CACNG8: variants seen among roughly 807,000 people sequenced by gnomAD.
CACNG8 encodes the protein calcium voltage-gated channel auxiliary subunit gamma 8.
A neutral mutation model predicts 26.9 loss-of-function variants in CACNG8; 5 were observed. The observed-to-expected ratio is 0.19, with a 90% CI of 0.10 to 0.39. The LOEUF is 0.39. Among genes scored for constraint, CACNG8 ranks in the 10% least tolerant of loss-of-function variants. The pLI is 1.00. For synonymous variants in CACNG8, 321 were observed against 296.7 expected (o/e 1.08, Z -0.84); for missense variants, 473 against 609.4 (o/e 0.78, Z 2.36).
chr19:53,974,705 G>GCT (rs1327866703), intron 1 of CACNG8, among the ~76,000 whole-genome samples: 10 of 150,384 alleles, frequency 6.6e-5, no homozygotes, highest in African/African-American at 4.9e-5. Context: ...GCAGTGGCAT[G>GCT]ATCTTGGCTC....
chr19:53,963,242 C>A lies in CACNG8; in HGVS notation c.100C>A (p.Leu34Ile). ...GGTGGGCGCCTTCGCCGCCTTCGGC[C>A]TCATGACCATCGCCATCAGCACTGA... is the stretch of plus-strand genomic sequence containing the variant. Residue 34 changes from leucine (L) to isoleucine (I), a missense_variant, in exon 1 of 4, where the codon CTC becomes ATC. Physicochemically the swap from Leu to Ile is conservative, Grantham distance 5. This residue lies in a region of CACNG8 where 10 missense variants were observed against 34.7 expected (regional missense o/e 0.29). Coordinates refer to ENST00000270458, the MANE Select transcript of CACNG8 (RefSeq NM_031895.6). 1 of 1,610,132 alleles carries A rather than the reference C, an allele frequency of 6.2e-7. No individual in the cohort carries two copies. The highest frequency in any genetic ancestry group is 1.1e-5 in the South Asian group (1 of 90,886).
chr19:53,970,225 A>T (rs1018013638), intron 1 of CACNG8, among the ~76,000 whole-genome samples: 4 of 152,222 alleles, frequency 2.6e-5, no homozygotes, highest in Admixed American at 6.5e-5. Context: ...CTGAGGCAGG[A>T]GAATCGCTTG....
Position 53,982,933 on chromosome 19 carries a change from C to G in CACNG8, c.*84C>G, listed in dbSNP as rs1185179971. On this transcript the variant is annotated 3_prime_UTR_variant, in exon 4 of 4. Coordinates refer to ENST00000270458, the MANE Select transcript of CACNG8 (RefSeq NM_031895.6). This position sits in a 1 kb window ranked among gnomAD's most constrained non-coding sequence, Gnocchi z 8.4. ...CGAGGCTGCCGGGGTCGGGGGCGCC[C>G]CCGCTTTCCCCCGTGAGCGCGCTGG... is the stretch of plus-strand genomic sequence containing the variant. 125 of 930,860 alleles carry G rather than the reference C, an allele frequency of 1.3e-4. 1 individual carries two copies. In the South Asian group the frequency reaches 5.3e-3, roughly 40 times the overall value. The allele number at this position is 930,860 out of a possible 1,614,324, so 57.7% of individuals were successfully genotyped here.
intron 1 of CACNG8, among the ~76,000 whole-genome samples, chr19:53,965,557 C>T (rs2069267702): frequency 6.6e-6 from 1 of 151,936 alleles, no homozygotes; most frequent in African/African-American, 2.4e-5. Flanking sequence ...GTAGGGATGT[C>T]ATTCATTCAT....
intron 3 of CACNG8, among the ~76,000 whole-genome samples, chr19:53,980,400 A>G (rs925572625): frequency 6.6e-6 from 1 of 151,000 alleles, no homozygotes; most frequent in Non-Finnish European, 1.5e-5. Flanking sequence ...TGGGTCTTGG[A>G]GGGCGGGCCC....
In CACNG8 at chr19:53,979,973, C is replaced by T. The variant is rs1340218222; in HGVS notation, c.474C>T (p.Ile158=). ...GCGTCTACAAGTCCAAGAGGAACATCATTCTGGGCGCAGGGATCCTGTTCG... is the reference window on the plus strand; with the variant it reads ...GCGTCTACAAGTCCAAGAGGAACATTATTCTGGGCGCAGGGATCCTGTTCG... The change falls in exon 3 of 4, where the codon ATC becomes ATT. Residue 158 remains isoleucine, a synonymous_variant. Coordinates refer to ENST00000270458, the MANE Select transcript of CACNG8 (RefSeq NM_031895.6). 6.2e-7 allele frequency: 1 copy of T among 1,612,302 alleles called. No individual in the cohort carries two copies. Among genetic ancestry groups the T allele is most frequent in the Admixed American group, 1.7e-5 (1 of 59,702 alleles).
At chr19:53,981,295 G>T (rs576797278) in intron 3 of CACNG8, among the ~76,000 whole-genome samples, 1 of 152,282 alleles carries the variant, frequency 6.6e-6, no homozygotes, top group East Asian at 1.9e-4. Context: ...GACTAACTAG[G>T]GCAGGGCCTG....
rs1198736877 is a variant in CACNG8, at chr19:53,984,424, A to T, written c.*1575A>T. The stretch of plus-strand genomic sequence containing the variant: ...GCCAGGAGTGAGCAGCACTTGGGGT[A>T]GGCTTCCTGGAGAATATGATGCCCA... On this transcript the variant is annotated 3_prime_UTR_variant, in exon 4 of 4. Coordinates refer to ENST00000270458, the MANE Select transcript of CACNG8 (RefSeq NM_031895.6). The T allele has an allele frequency of 6.6e-6, 1 of 152,254 alleles. No homozygotes were observed. The highest frequency in any genetic ancestry group is 1.5e-5 in the Non-Finnish European group (1 of 68,050). The allele number at this position is 152,254 out of a possible 1,614,324, so 9.4% of individuals were successfully genotyped here.
chr19:53,982,393 C>T lies in CACNG8; in HGVS notation c.822C>T (p.Ser274=), dbSNP rs1433885118. ...ACCGCTTCCGCTACCGCCGCCGCTC[C>T]CGCTCTAGCTCCCGCTCCAGCGAGC... Residue 274 remains serine (S), a synonymous_variant, in exon 4 of 4, where the codon TCC becomes TCT. Coordinates refer to ENST00000270458, the MANE Select transcript of CACNG8 (RefSeq NM_031895.6). This position sits in a 1 kb window ranked among gnomAD's most constrained non-coding sequence, Gnocchi z 8.4. 6.5e-7 allele frequency: 1 copy of T among 1,528,970 alleles called. No individual in the cohort carries two copies. Among genetic ancestry groups the T allele is most frequent in the South Asian group, 1.2e-5 (1 of 83,092 alleles). The allele number at this position is 1,528,970 out of a possible 1,614,324, so 94.7% of individuals were successfully genotyped here. A position where few individuals can be genotyped will look rare whatever the true frequency, so the allele number is the denominator to read the frequency against.
intron 2 of CACNG8, 80 bp from the exon 3 acceptor site, chr19:53,979,787 G>C: frequency 6.9e-7 from 1 of 1,446,656 alleles, no homozygotes. Flanking sequence ...CCGCGAGATG[G>C]GGGGCCGGGA....
chr19:53,982,775 GC>G lies in CACNG8; in HGVS notation c.1209del (p.Thr405ProfsTer55), dbSNP rs1181229536. On this transcript the variant is annotated frameshift_variant, in exon 4 of 4. Transcript: ENST00000270458. LOFTEE classifies it high-confidence loss of function. The surrounding 1 kb of genome is among the most constrained non-coding windows in gnomAD (Gnocchi z 8.4). ...CGCGCCACCCGCGCCCTCTGCGCCCGCCCCCGGGACCCTGGCCAAGGAGGCC... is the reference window on the plus strand; with the variant it reads ...CGCGCCACCCGCGCCCTCTGCGCCCGCCCCGGGACCCTGGCCAAGGAGGCC... 6 of 1,281,154 alleles carry G rather than the reference GC, an allele frequency of 4.7e-6. No homozygotes were observed. Among genetic ancestry groups the G allele is most frequent in the Admixed American group, 3.6e-5 (1 of 27,734 alleles). 79.4% of individuals were successfully genotyped at this position (1,281,154 alleles called of 1,614,324 possible).
intron 1 of CACNG8, among the ~76,000 whole-genome samples, chr19:53,969,800 A>G (rs28620610): frequency 0.4 from 60,037 of 151,984 alleles, 12,108 homozygotes; most frequent in Middle Eastern, 0.53. Context: ...TGCTCTGCCT[A>G]AGGAGCGGCC....
In CACNG8 at chr19:53,979,802, G is replaced by T. The variant is rs2069353134; in HGVS notation, c.368-65G>T. On this transcript the variant is annotated intron_variant, in intron 2 of 3. Transcript: ENST00000270458. ...CCGCGAGATGGGGGGCCGGGAAGGG[G>T]GCGCAGGCGGCCGCGTCTGACCGCC... 4.7e-6 allele frequency: 7 copies of T among 1,498,676 alleles called. No homozygotes were observed. In the South Asian group the frequency reaches 9.3e-5, roughly 20 times the overall value. The allele number at this position is 1,498,676 out of a possible 1,614,324, so 92.8% of individuals were successfully genotyped here. A position where few individuals can be genotyped will look rare whatever the true frequency, so the allele number is the denominator to read the frequency against.
In CACNG8 at chr19:53,983,593, T is replaced by C. The variant is rs2069389024; in HGVS notation, c.*744T>C. 6.6e-6 allele frequency: 1 copy of C among 152,212 alleles called. No individual in the cohort carries two copies. Among genetic ancestry groups the C allele is most frequent in the African/African-American group, 2.4e-5 (1 of 41,432 alleles). 9.4% of individuals were successfully genotyped at this position (152,212 alleles called of 1,614,324 possible). On this transcript the variant is annotated 3_prime_UTR_variant, in exon 4 of 4. Transcript: ENST00000270458. ...TCTCATAGAGTAAACATCTTGTGCA[T>C]GAGACAGGCATTAATCGATCATGTA...
chr19:53,978,071 T>C (rs933483323), intron 1 of CACNG8, 75 bp from the exon 2 acceptor site: 1 of 983,612 alleles, frequency 1.0e-6, no homozygotes, highest in Non-Finnish European at 1.6e-6. Context: ...AAGGGAAGGG[T>C]CGGTTGTCAG....
At chr19:53,966,008 G>C (rs1045668348) in intron 1 of CACNG8, among the ~76,000 whole-genome samples, 2 of 152,098 alleles carry the variant, frequency 1.3e-5, no homozygotes, top group African/African-American at 4.8e-5. Flanking sequence ...GTGGGTGGCG[G>C]AGAACGTAGG....
In CACNG8 at chr19:53,981,680, T is replaced by A. The variant is rs566347315; in HGVS notation, c.509-400T>A. ...ACCTGGGGGTGGAATTTAGACCATCTGAGGGGGTGCTTGAGCCTGCCTGGG... is the reference window on the plus strand; with the variant it reads ...ACCTGGGGGTGGAATTTAGACCATCAGAGGGGGTGCTTGAGCCTGCCTGGG... On this transcript the variant is annotated intron_variant, in intron 3 of 3. Transcript: ENST00000270458. Among the ~76,000 whole-genome samples, 91 of 152,080 alleles carry A rather than the reference T, an allele frequency of 6.0e-4. No individual in the cohort carries two copies. The Middle Eastern group carries it at 0.027, about 45-fold the overall frequency.
Position 53,987,880 on chromosome 19 carries a change from A to C in CACNG8, c.*5031A>C, listed in dbSNP as rs1328621743. ...TTTGGAAACGTCAACATAAAGCCACAGGATTGGGTGACGTGGCCTAGCAGG... is the reference window on the plus strand; with the variant it reads ...TTTGGAAACGTCAACATAAAGCCACCGGATTGGGTGACGTGGCCTAGCAGG... On this transcript the variant is annotated 3_prime_UTR_variant, in exon 4 of 4. Transcript: ENST00000270458. 1 of 151,106 alleles carries C rather than the reference A, an allele frequency of 6.6e-6. No individual in the cohort carries two copies. The highest frequency in any genetic ancestry group is 1.5e-5 in the Non-Finnish European group (1 of 67,846). 9.4% of individuals were successfully genotyped at this position (151,106 alleles called of 1,614,324 possible). A position where few individuals can be genotyped will look rare whatever the true frequency, so the allele number is the denominator to read the frequency against.
rs969922811 is a variant in CACNG8 at position 53,984,827 on chromosome 19, C to T, written c.*1978C>T. The T allele has an allele frequency of 6.6e-6, 1 of 152,156 alleles. No individual in the cohort carries two copies. Among genetic ancestry groups the T allele is most frequent in the African/African-American group, 2.4e-5 (1 of 41,356 alleles). 9.4% of individuals were successfully genotyped at this position (152,156 alleles called of 1,614,324 possible). On this transcript the variant is annotated 3_prime_UTR_variant, in exon 4 of 4. Transcript: ENST00000270458. ...AATTAGCCGGGCGTGGTGGAGCACA[C>T]CTGTGGACACAGCTACTCAGGAGGC...
Sources: gnomAD v4.1 joint callset for allele counts (sites outside exome capture counted in the v4.1 genomes callset) on GRCh38, gnomAD v4.1.1 for gene constraint, gnomAD v4.1.1 regional missense constraint, Gnocchi (gnomAD v3.1) non-coding constraint, MANE v1.5 for transcripts, NCBI Gene and HGNC (gene_info 2026-07-23, HGNC 2026-07-21) for gene names.